WDR88: variants seen among roughly 807,000 people sequenced by gnomAD.
The protein encoded by WDR88 is WD repeat-containing protein 88.
In WDR88, 40 loss-of-function variants were observed where a neutral mutation model predicts 46.8. The ratio of observed to expected loss-of-function variants is 0.86; its 90% CI spans 0.66 to 1.11. The LOEUF (loss-of-function observed/expected upper bound fraction) is 1.11. Ranked by LOEUF, WDR88 falls within the 50% of genes most tolerant of loss-of-function variation. The pLI is 0.00. For synonymous variants in WDR88, 235 were observed against 240.7 expected, an observed-to-expected ratio of 0.98 and a Z score of 0.22; for missense variants, 562 against 602.4, an observed-to-expected ratio of 0.93 and a Z score of 0.70.
rs868426010 is a variant in WDR88, at chr19:33,134,842, C to G, written c.276+2397C>G. On this transcript the variant is annotated intron_variant, in intron 1 of 10. Transcript: ENST00000355868. ...ATCTCCACCTGCACGTCCCCGACACCCCCCCCCCCGCCCCGCATCACCTGC... is the reference window on the plus strand; with the variant it reads ...ATCTCCACCTGCACGTCCCCGACACGCCCCCCCCCGCCCCGCATCACCTGC... Among the ~76,000 whole-genome samples the G allele has an allele frequency of 4.9e-5, 4 of 81,550 alleles. 1 individual carries two copies. The highest frequency in any genetic ancestry group is 9.2e-5 in the Non-Finnish European group (4 of 43,244). 53.5% of individuals were successfully genotyped at this position (81,550 alleles called of 152,430 possible).
At chr19:33,133,073 C>G (rs1421135995) in intron 1 of WDR88, among the ~76,000 whole-genome samples, 2 of 151,770 alleles carry the variant, frequency 1.3e-5, no homozygotes, top group East Asian at 3.9e-4. Context: ...AAGAGGATCC[C>G]TTGAACCCAG....
At chr19:33,174,835 G>T (rs1599922853) in intron 10 of WDR88, 1 of 984,918 alleles carries the variant, frequency 1.0e-6, no homozygotes, top group Non-Finnish European at 1.2e-6. Context: ...GCTGGCAGGA[G>T]ACATGAGCTG....
chr19:33,169,554 C>G (rs1974002773), intron 9 of WDR88, among the ~76,000 whole-genome samples: 1 of 149,858 alleles, frequency 6.7e-6, no homozygotes, highest in Admixed American at 6.8e-5. Context: ...CACTTCACAT[C>G]TATTAGGGGG....
chr19:33,165,543 C>T (rs941846786), intron 9 of WDR88, among the ~76,000 whole-genome samples: 5 of 151,964 alleles, frequency 3.3e-5, no homozygotes, highest in Admixed American at 6.6e-5. Context: ...TAGTGAACAG[C>T]GACAATTAGT....
At chr19:33,152,277 T>C (rs73589916) in intron 6 of WDR88, among the ~76,000 whole-genome samples, 21,950 of 151,360 alleles carry the variant, frequency 0.15, 3,703 homozygotes, top group African/African-American at 0.42. Flanking sequence ...TAAAACATGA[T>C]ATTTTAACCA....
rs375512597 is a variant in WDR88 at position 33,141,637 on chromosome 19, C to T, written c.388-3207C>T. The stretch of plus-strand genomic sequence containing the variant: ...GCTTCTCTGTACATTTATGGACTTT[C>T]CAAGTTATTCACAATAATCTCCAAT... On this transcript the variant is annotated intron_variant, in intron 2 of 10. Coordinates refer to ENST00000355868, the MANE Select transcript of WDR88 (RefSeq NM_173479.4). Among the ~76,000 whole-genome samples, 12 of 152,258 alleles carry T rather than the reference C, an allele frequency of 7.9e-5. No individual in the cohort carries two copies. In the East Asian group the frequency reaches 2.1e-3, roughly 27 times the overall value.
At position 33,156,510 on chromosome 19, in the gene WDR88, G is replaced by C; in HGVS notation, c.965G>C (p.Gly322Ala). Residue 322 changes from glycine (G) to alanine (A), a missense_variant, in exon 7 of 11, where the codon GGT (glycine) becomes GCT (alanine). Coordinates refer to ENST00000355868, the MANE Select transcript of WDR88 (RefSeq NM_173479.4). ...GTGACTCTGATGCAGGGCCATGAAG[G>C]TTCTGTCAGTTCCTGTCACTTTGCC... ...ACVTLMQGHEGSVSSCHFARD... is the reference protein window; with the variant it reads ...ACVTLMQGHEASVSSCHFARD... 1 of 1,613,752 alleles carries C rather than the reference G, an allele frequency of 6.2e-7. No homozygotes were observed. Among genetic ancestry groups the C allele is most frequent in the Non-Finnish European group, 8.5e-7 (1 of 1,179,894 alleles).
intron 5 of WDR88, among the ~76,000 whole-genome samples, chr19:33,150,234 C>G (rs990453822): frequency 5.9e-5 from 9 of 151,912 alleles, no homozygotes; most frequent in African/African-American, 2.2e-4. Context: ...GGTGGATCAC[C>G]TGAGCTCAAA....
At chr19:33,145,914 T>G (rs543983389) in intron 3 of WDR88, among the ~76,000 whole-genome samples, 184 of 152,328 alleles carry the variant, frequency 1.2e-3, no homozygotes, top group African/African-American at 4.4e-3. Context: ...TATGTTTTTT[T>G]GTACAAGAAA....
At chr19:33,163,332 C>CA (rs35300109) in intron 8 of WDR88, among the ~76,000 whole-genome samples, 47,453 of 139,342 alleles carry the variant, frequency 0.34, 8,556 homozygotes, top group African/African-American at 0.5. Flanking sequence ...GACTCCGTCT[C>CA]AAAAAAAAAA....
At chr19:33,144,102 C>A (rs1343476978) in intron 2 of WDR88, among the ~76,000 whole-genome samples, 1 of 152,178 alleles carries the variant, frequency 6.6e-6, no homozygotes, top group Non-Finnish European at 1.5e-5. Context: ...TCTAAAACTG[C>A]GCAGCCCCAC....
rs377148720 is a variant in WDR88 at position 33,137,794 on chromosome 19, G to T, written c.387+7G>T. 6.8e-6 allele frequency: 11 copies of T among 1,611,486 alleles called. No individual in the cohort carries two copies. The highest frequency in any genetic ancestry group is 8.5e-6 in the Non-Finnish European group (10 of 1,179,324). On this transcript the variant is annotated splice_region_variant and intron_variant, in intron 2 of 10. Coordinates refer to ENST00000355868, the MANE Select transcript of WDR88 (RefSeq NM_173479.4). ...CTGCACTGTGAAGCTGTGGGTAGGT[G>T]GCCGGCTGTTAGGTACTCCTGGAGC...
chr19:33,141,346 C>T (rs766901537), intron 2 of WDR88, among the ~76,000 whole-genome samples: 1 of 151,594 alleles, frequency 6.6e-6, no homozygotes, highest in Non-Finnish European at 1.5e-5. Flanking sequence ...CCTCCCACCT[C>T]AGCCTCCTGA....
At position 33,151,273 on chromosome 19, in the gene WDR88, G is replaced by A; in HGVS notation, c.772G>A (p.Asp258Asn). The A allele has an allele frequency of 6.2e-7, 1 of 1,613,612 alleles. No individual in the cohort carries two copies. ...ATTGGACAGGTGCATCAAGATCTGG[G>A]ATGTTACATCCCAGGCCACGCTGCT... is the stretch of plus-strand genomic sequence containing the variant. ...VSLDRCIKIW[D>N]VTSQATLLTI... The change falls in exon 6 of 11, where the codon GAT becomes AAT. Residue 258 changes from aspartate (D) to asparagine (N), a missense_variant. Physicochemically the swap from Asp to Asn is conservative, Grantham distance 23. Transcript: ENST00000355868.
intron 2 of WDR88, among the ~76,000 whole-genome samples, chr19:33,141,599 A>C (rs1973396162): frequency 6.6e-6 from 1 of 152,198 alleles, no homozygotes; most frequent in Non-Finnish European, 1.5e-5. Context: ...TAGGATGAAG[A>C]ATATTTTTCC....
chr19:33,172,149 C>T (rs559462930), intron 9 of WDR88, among the ~76,000 whole-genome samples, 199 bp from the exon 10 acceptor site: 1 of 152,236 alleles, frequency 6.6e-6, no homozygotes, highest in East Asian at 1.9e-4. Context: ...TTCAGTTTTG[C>T]CTTTTCCAGA....
At chr19:33,143,337 CA>C (rs59380405) in intron 2 of WDR88, among the ~76,000 whole-genome samples, 938 of 49,332 alleles carry the variant, frequency 0.019, 2 homozygotes, top group Non-Finnish European at 0.023. Flanking sequence ...GATCCAGTGT[CA>C]AAAAAAAAAA....
intron 9 of WDR88, among the ~76,000 whole-genome samples, chr19:33,170,599 G>A (rs1017669593): frequency 1.3e-5 from 2 of 152,132 alleles, no homozygotes; most frequent in African/African-American, 2.4e-5. Flanking sequence ...GGTGGCTCAT[G>A]CCTGTAATGC....
At chr19:33,147,503 T>C in intron 3 of WDR88, 142 bp from the exon 4 acceptor site, 3 of 662,824 alleles carry the variant, frequency 4.5e-6, no homozygotes, top group Non-Finnish European at 7.6e-6. Context: ...CTCAGGAGGC[T>C]GTGGCAGGAG....
Sources: gnomAD v4.1 joint callset for allele counts (sites outside exome capture counted in the v4.1 genomes callset) on GRCh38, gnomAD v4.1.1 for gene constraint, MANE v1.5 for transcripts, NCBI Gene and HGNC (gene_info 2026-07-23, HGNC 2026-07-21) for gene names.